EFR3A: variants seen among roughly 807,000 people sequenced by gnomAD.
EFR3A encodes protein EFR3 homolog A.
Under a neutral mutation model 104.4 loss-of-function variants are expected in EFR3A, and 76 were observed. The ratio of observed to expected loss-of-function variants is 0.73; its 90% CI spans 0.60 to 0.88. The LOEUF (loss-of-function observed/expected upper bound fraction) is 0.88, where lower values mean the gene tolerates loss of function less well. Among genes scored for constraint, EFR3A ranks in the 40% least tolerant of loss-of-function variants. The pLI, the probability that EFR3A is intolerant of heterozygous loss-of-function variation, is 0.00. For synonymous variants in EFR3A, 330 were observed against 330.0 expected (o/e 1.00, Z 0.00); for missense variants, 985 against 1,012.5 (o/e 0.97, Z 0.37).
At chr8:131,926,948 A>G (rs1278414447) in intron 1 of EFR3A, among the ~76,000 whole-genome samples, 2 of 152,154 alleles carry the variant, frequency 1.3e-5, no homozygotes, top group African/African-American at 4.8e-5. Context: ...CACATTTCCA[A>G]GGTTGCATTT....
At chr8:131,927,083 G>A (rs1282790449) in intron 1 of EFR3A, among the ~76,000 whole-genome samples, 1 of 152,108 alleles carries the variant, frequency 6.6e-6, no homozygotes, top group Admixed American at 6.5e-5. Context: ...CCACAGCTCT[G>A]CCCTTGAGGA....
chr8:131,945,001 T>G, intron 3 of EFR3A, 129 bp downstream of exon 3: 16 of 1,088,424 alleles, frequency 1.5e-5, no homozygotes, highest in Non-Finnish European at 2.1e-5. Flanking sequence ...CATTGTAATA[T>G]TATACAAAGA....
intron 22 of EFR3A, among the ~76,000 whole-genome samples, chr8:132,005,149 CAG>C (rs1464007103): frequency 1.3e-5 from 2 of 152,098 alleles, no homozygotes; most frequent in Non-Finnish European, 2.9e-5. Flanking sequence ...TGTTTGTAAA[CAG>C]ACATACATGG....
chr8:131,969,102 G>A (rs994437131), intron 9 of EFR3A, among the ~76,000 whole-genome samples: 1 of 152,148 alleles, frequency 6.6e-6, no homozygotes, highest in African/African-American at 2.4e-5. Context: ...CATGGAAGCA[G>A]TAGGAATGAC....
chr8:131,932,091 A>G (rs1024171398), intron 1 of EFR3A, among the ~76,000 whole-genome samples: 9 of 152,206 alleles, frequency 5.9e-5, no homozygotes, highest in Non-Finnish European at 8.8e-5. Context: ...TCTTGCCTTC[A>G]CATATTCTTG....
Position 132,001,775 on chromosome 8 carries a change from A to G in EFR3A, c.2174A>G (p.Glu725Gly), listed in dbSNP as rs1821792147. ...PSDDVVSNTEEITFEALKKAI... is the reference protein window; with the variant it reads ...PSDDVVSNTEGITFEALKKAI... ...TTTCTCTAGGTTAGTAACACTGAAG[A>G]AATCACTTTTGAAGCATTGAAGAAA... The change falls in exon 20 of 23, where the codon GAA becomes GGA. Residue 725 changes from glutamate (E) to glycine (G), a missense_variant. Physicochemically the swap from Glu to Gly is moderately conservative, Grantham distance 98. Coordinates refer to ENST00000254624, the MANE Select transcript of EFR3A (RefSeq NM_015137.6). 6.8e-6 allele frequency: 11 copies of G among 1,613,308 alleles called. No individual in the cohort carries two copies. The highest frequency in any genetic ancestry group is 9.3e-6 in the Non-Finnish European group (11 of 1,179,538).
intron 1 of EFR3A, among the ~76,000 whole-genome samples, chr8:131,910,122 A>C (rs760177277): frequency 6.6e-6 from 1 of 152,232 alleles, no homozygotes; most frequent in Non-Finnish European, 1.5e-5. Context: ...ATTTCTAGAT[A>C]GATAGTTCCA....
chr8:131,988,173 A>G (rs566737801), intron 18 of EFR3A, among the ~76,000 whole-genome samples: 6,274 of 134,302 alleles, frequency 0.047, 318 homozygotes, highest in East Asian at 0.16. Context: ...TGAACTATAT[A>G]TTTTCTCTGT....
Position 131,958,854 on chromosome 8 carries a change from T to C in EFR3A, c.777-731T>C, listed in dbSNP as rs114836729. ...CACTTATCAAGTGCTGGCTGCGCCC[T>C]GTGACTATGCTAATAACCTTATATA... is the stretch of plus-strand genomic sequence containing the variant. On this transcript the variant is annotated intron_variant, in intron 7 of 22. Transcript: ENST00000254624. 6.0e-3 allele frequency among the ~76,000 whole-genome samples: 914 copies of C among 152,276 alleles called. 5 individuals are homozygous for C. Among genetic ancestry groups the C allele is most frequent in the African/African-American group, 0.021 (878 of 41,570 alleles).
rs188286408 is a variant in EFR3A at position 131,973,190 on chromosome 8, A to G, written c.1159+2547A>G. 7.6e-4 allele frequency among the ~76,000 whole-genome samples: 115 copies of G among 151,840 alleles called. 1 individual carries two copies. Among genetic ancestry groups the G allele is most frequent in the African/African-American group, 2.5e-3 (103 of 41,332 alleles). ...AAAAGACAAAATATCATAAACTCCA[A>G]CATTACCATGGAGTCATAATAAAGC... On this transcript the variant is annotated intron_variant, in intron 10 of 22. Coordinates refer to ENST00000254624, the MANE Select transcript of EFR3A (RefSeq NM_015137.6).
intron 1 of EFR3A, among the ~76,000 whole-genome samples, chr8:131,933,851 C>T (rs575387858): frequency 6.6e-6 from 1 of 150,700 alleles, no homozygotes; most frequent in South Asian, 2.1e-4. Context: ...GAGAAGTGTA[C>T]AAGAGTTTTG....
At chr8:131,954,275 A>C (rs16904557) in intron 6 of EFR3A, among the ~76,000 whole-genome samples, 40,599 of 151,980 alleles carry the variant, frequency 0.27, 6,228 homozygotes, top group East Asian at 0.49. Context: ...TTAAAGTTGC[A>C]AATGTGAGAA....
Position 131,927,920 on chromosome 8 carries a change from C to T in EFR3A, c.11-12579C>T, listed in dbSNP as rs959547945. ...ATATAGATGTGATGAACTGTGAAAG[C>T]CTTGCAAATTCCCATCCTTTTAGAA... is the stretch of plus-strand genomic sequence containing the variant. On this transcript the variant is annotated intron_variant, in intron 1 of 22. Transcript: ENST00000254624. Among the ~76,000 whole-genome samples, 85 of 152,254 alleles carry T rather than the reference C, an allele frequency of 5.6e-4. 1 individual carries two copies. Among genetic ancestry groups the T allele is most frequent in the African/African-American group, 2.0e-3 (83 of 41,554 alleles).
intron 1 of EFR3A, among the ~76,000 whole-genome samples, chr8:131,917,337 C>T (rs968224178): frequency 3.3e-5 from 5 of 152,192 alleles, no homozygotes; most frequent in African/African-American, 1.2e-4. Flanking sequence ...ATTGGTTTCT[C>T]GGCATCTACT....
intron 1 of EFR3A, among the ~76,000 whole-genome samples, chr8:131,918,686 G>A (rs1816856735): frequency 6.6e-6 from 1 of 152,018 alleles, no homozygotes; most frequent in African/African-American, 2.4e-5. Context: ...AGATGCTGTG[G>A]GTGTTATGGA....
At chr8:131,956,511 G>C (rs1819003064) in intron 7 of EFR3A, among the ~76,000 whole-genome samples, 1 of 152,138 alleles carries the variant, frequency 6.6e-6, no homozygotes, top group Admixed American at 6.5e-5. Flanking sequence ...CCAGATGATA[G>C]ATCTACTATA....
intron 10 of EFR3A, among the ~76,000 whole-genome samples, chr8:131,972,634 A>T (rs544036631): frequency 6.6e-6 from 1 of 152,196 alleles, no homozygotes; most frequent in East Asian, 1.9e-4. Context: ...TTTCTTTAGG[A>T]TAGCCAGATC....
intron 1 of EFR3A, among the ~76,000 whole-genome samples, chr8:131,930,830 G>T (rs1367815423): frequency 6.6e-6 from 1 of 151,934 alleles, no homozygotes; most frequent in African/African-American, 2.4e-5. Flanking sequence ...CACTCATTTG[G>T]TCTCCTGGTT....
At chr8:131,970,748 A>T in intron 10 of EFR3A, 105 bp downstream of exon 10, 2 of 1,138,310 alleles carry the variant, frequency 1.8e-6, no homozygotes, top group South Asian at 3.4e-5. Context: ...GATGAATGAT[A>T]GCTTAAATTT....
Sources: allele counts gnomAD v4.1 joint callset (sites outside exome capture counted in the v4.1 genomes callset), GRCh38; gene constraint gnomAD v4.1.1; transcripts MANE v1.5; gene names NCBI Gene and HGNC (gene_info 2026-07-23, HGNC 2026-07-21).